The following CLASP2 variants were observed in gnomAD, a reference collection of about 807,000 sequenced individuals.
CLASP2 encodes CLIP-associating protein 2.
A neutral mutation model predicts 194.4 loss-of-function variants in CLASP2; 47 were observed. The observed-to-expected ratio is 0.24, with a 90% confidence interval of 0.19 to 0.31. The LOEUF is 0.31. Ranked by LOEUF, CLASP2 falls within the 10% of genes least tolerant of loss-of-function variation. CLASP2 has a pLI of 1.00. For synonymous variants in CLASP2, 619 were observed against 633.5 expected (o/e 0.98, Z 0.34); for missense variants, 1,445 against 1,823.6 (o/e 0.79, Z 3.78).
At chr3:33,564,013 G>C (rs1052872598) in intron 27 of CLASP2, 1 of 431,688 alleles carries the variant, frequency 2.3e-6, no homozygotes, top group Non-Finnish European at 4.6e-6. Flanking sequence ...TTCTTGGATT[G>C]CAAGTCAGGG....
chr3:33,672,561 G>T (rs1332565465), intron 6 of CLASP2, among the ~76,000 whole-genome samples: 1 of 152,212 alleles, frequency 6.6e-6, no homozygotes, highest in African/African-American at 2.4e-5. Flanking sequence ...AAGGAACGCA[G>T]TTCCTCACCA....
intron 8 of CLASP2, among the ~76,000 whole-genome samples, chr3:33,632,679 A>G (rs1370987773): frequency 6.6e-6 from 1 of 152,204 alleles, no homozygotes; most frequent in Non-Finnish European, 1.5e-5. Context: ...AAGGACAAAC[A>G]TTTTAAAAGT....
At chr3:33,524,044 AG>A (rs1436525122) in intron 34 of CLASP2, among the ~76,000 whole-genome samples, 3 of 152,216 alleles carry the variant, frequency 2.0e-5, no homozygotes, top group African/African-American at 4.8e-5. Flanking sequence ...ACAGGCTATA[AG>A]GCATACAGAA....
chr3:33,642,185 C>T (rs1271336091), intron 8 of CLASP2, among the ~76,000 whole-genome samples: 2 of 151,796 alleles, frequency 1.3e-5, no homozygotes, highest in African/African-American at 2.4e-5. Context: ...CTGAATCTTT[C>T]GATCCAGCGA....
chr3:33,653,948 T>G (rs901638020), intron 7 of CLASP2, among the ~76,000 whole-genome samples: 3 of 149,878 alleles, frequency 2.0e-5, no homozygotes, highest in Admixed American at 2.0e-4. Context: ...GAGGGTGGAA[T>G]ACGTGAAATC....
chr3:33,636,859 C>T (rs1025315360), intron 8 of CLASP2, among the ~76,000 whole-genome samples: 1 of 152,148 alleles, frequency 6.6e-6, no homozygotes, highest in South Asian at 2.1e-4. Context: ...CCTTGGCCTC[C>T]CAAAGTGCTG....
In CLASP2 at chr3:33,576,351, C is replaced by G. The variant is rs1253960163; in HGVS notation, c.2348-76G>C. 3 of 1,106,834 alleles carry G rather than the reference C, an allele frequency of 2.7e-6. No individual in the cohort carries two copies. The East Asian group carries it at 7.4e-5, about 27-fold the overall frequency. 68.6% of individuals were successfully genotyped at this position (1,106,834 alleles called of 1,614,324 possible). A position where few individuals can be genotyped will look rare whatever the true frequency, so the allele number is the denominator to read the frequency against. ...AGTGTCAGGTTGGGAAACTTTAAGA[C>G]CTTTACAGGGGAAGGAAAAAAAACC... On this transcript the variant is annotated intron_variant, in intron 23 of 38. Coordinates refer to ENST00000682230, the MANE Select transcript of CLASP2 (RefSeq NM_001365631.1).
intron 34 of CLASP2, among the ~76,000 whole-genome samples, chr3:33,520,423 C>T (rs2052668078): frequency 6.6e-6 from 1 of 152,170 alleles, no homozygotes; most frequent in Non-Finnish European, 1.5e-5. Context: ...GATTCCCAAA[C>T]AAACTATAAG....
intron 23 of CLASP2, among the ~76,000 whole-genome samples, chr3:33,580,694 G>C (rs1210255116): frequency 6.6e-6 from 1 of 151,782 alleles, no homozygotes; most frequent in African/African-American, 2.4e-5. Context: ...AACCTTCTAA[G>C]TATTACAGTA....
intron 18 of CLASP2, among the ~76,000 whole-genome samples, chr3:33,598,561 A>G (rs2071131903): frequency 6.6e-6 from 1 of 152,086 alleles, no homozygotes; most frequent in African/African-American, 2.4e-5. Context: ...TAACTTTTCC[A>G]TCTCTACTGA....
chr3:33,660,067 AT>A (rs1219749533), intron 7 of CLASP2, among the ~76,000 whole-genome samples: 1 of 152,248 alleles, frequency 6.6e-6, no homozygotes, highest in African/African-American at 2.4e-5. Context: ...CCAAGACTGC[AT>A]TAGGTCCTAA....
intron 16 of CLASP2, among the ~76,000 whole-genome samples, chr3:33,604,570 C>T (rs2073275139): frequency 1.3e-5 from 2 of 152,172 alleles, no homozygotes; most frequent in South Asian, 2.1e-4. Flanking sequence ...ATCCTCCTAC[C>T]TCAGCCTCTC....
intron 30 of CLASP2, among the ~76,000 whole-genome samples, chr3:33,548,614 T>C (rs2059518913): frequency 6.6e-6 from 1 of 152,144 alleles, no homozygotes; most frequent in African/African-American, 2.4e-5. Context: ...TAAATCTTAA[T>C]TCCCTTTTTC....
chr3:33,516,884 C>T, intron 35 of CLASP2, 97 bp downstream of exon 35: 1 of 1,054,830 alleles, frequency 9.5e-7, no homozygotes. Flanking sequence ...AGAAGAGATT[C>T]ATTCTCCCAA....
At chr3:33,561,961 T>A (rs1006061395) in intron 27 of CLASP2, among the ~76,000 whole-genome samples, 1 of 152,182 alleles carries the variant, frequency 6.6e-6, no homozygotes, top group African/African-American at 2.4e-5. Flanking sequence ...AAAGTAAATA[T>A]GATAATTTGA....
At position 33,631,895 on chromosome 3, in the gene CLASP2, T is replaced by G. The variant is rs532905616; in HGVS notation, c.942+397A>C. Among the ~76,000 whole-genome samples the G allele has an allele frequency of 5.3e-5, 8 of 152,290 alleles. No individual in the cohort carries two copies. The South Asian group carries it at 1.7e-3, about 32-fold the overall frequency. On this transcript the variant is annotated intron_variant, in intron 9 of 38. Transcript: ENST00000682230. ...TAAAAAGTCAGGTTGTAGAATGTTA[T>G]GTACAATATAACATTTATGTGTATT...
intron 36 of CLASP2, among the ~76,000 whole-genome samples, chr3:33,515,578 G>A (rs1173389752): frequency 6.6e-6 from 1 of 152,150 alleles, no homozygotes; most frequent in Admixed American, 6.5e-5. Flanking sequence ...GGAACCGGGA[G>A]GCTGAGGCTG....
At chr3:33,631,271 T>C (rs1465501564) in intron 9 of CLASP2, among the ~76,000 whole-genome samples, 3 of 151,906 alleles carry the variant, frequency 2.0e-5, no homozygotes, top group African/African-American at 7.3e-5. Context: ...CTCACAGGAG[T>C]TTTAACTGGT....
At chr3:33,709,583 A>C (rs1278630509) in intron 1 of CLASP2, among the ~76,000 whole-genome samples, 2 of 152,126 alleles carry the variant, frequency 1.3e-5, no homozygotes, top group East Asian at 3.9e-4. Flanking sequence ...GGCTTTGAAG[A>C]TGGAGAAAGA....
Sources: gnomAD v4.1 joint callset for allele counts (sites outside exome capture counted in the v4.1 genomes callset) on GRCh38, gnomAD v4.1.1 for gene constraint, MANE v1.5 for transcripts, NCBI Gene and HGNC (gene_info 2026-07-23, HGNC 2026-07-21) for gene names.